THSD7B: variants seen among roughly 807,000 people sequenced by gnomAD.
THSD7B encodes thrombospondin type-1 domain-containing protein 7B.
A neutral mutation model predicts 213.6 loss-of-function variants in THSD7B; 138 were observed. The observed-to-expected ratio is 0.65, with a 90% CI of 0.56 to 0.74. The LOEUF is 0.74. Among genes scored for constraint, THSD7B ranks in the 30% least tolerant of loss-of-function variants. THSD7B has a pLI of 0.00. For missense variants in THSD7B, 1,931 were observed against 1,991.5 expected (o/e 0.97, Z 0.58); for synonymous variants, 742 against 687.0 (o/e 1.08, Z -1.25).
intron 17 of THSD7B, among the ~76,000 whole-genome samples, chr2:137,588,296 C>T (rs1681786084): frequency 6.6e-6 from 1 of 152,172 alleles, no homozygotes; most frequent in African/African-American, 2.4e-5. Context: ...TGAGGTGATG[C>T]CTTACCCTGC....
At chr2:137,314,642 C>G (rs1684034743) in intron 12 of THSD7B, among the ~76,000 whole-genome samples, 1 of 152,176 alleles carries the variant, frequency 6.6e-6, no homozygotes, top group Non-Finnish European at 1.5e-5. Flanking sequence ...GTGGTTTTAT[C>G]TACTTTTGGT....
chr2:137,658,830 C>T (rs1482565154), intron 24 of THSD7B, among the ~76,000 whole-genome samples: 5 of 152,168 alleles, frequency 3.3e-5, no homozygotes, highest in African/African-American at 1.2e-4. Flanking sequence ...TTGCTAGCTA[C>T]AAAACTATAA....
intron 14 of THSD7B, among the ~76,000 whole-genome samples, chr2:137,429,713 T>A (rs1364515635): frequency 6.6e-6 from 1 of 152,138 alleles, no homozygotes; most frequent in Non-Finnish European, 1.5e-5. Context: ...TGAGAGTGCA[T>A]TGTTGTTTGG....
At chr2:136,828,436 G>T (rs1682695770) in intron 1 of THSD7B, among the ~76,000 whole-genome samples, 1 of 152,054 alleles carries the variant, frequency 6.6e-6, no homozygotes, top group Non-Finnish European at 1.5e-5. Context: ...TTCTTACCTG[G>T]TCTGTGAAGT....
In THSD7B at chr2:137,405,686, T is replaced by A. The variant is rs757780144; in HGVS notation, c.2574T>A (p.Pro858=). The A allele has an allele frequency of 6.2e-7, 1 of 1,613,604 alleles. No homozygotes were observed. Among genetic ancestry groups the A allele is most frequent in the Non-Finnish European group, 8.5e-7 (1 of 1,179,744 alleles). ...MECLKQTNGM[P]LLVQECTVPC... ...GCCTCAAGCAGACAAACGGCATGCC[T>A]CTCCTTGTGCAAGAATGCACAGTCC... Residue 858 remains proline (P), a synonymous_variant, in exon 13 of 28, where the codon CCT becomes CCA. Coordinates refer to ENST00000409968, the MANE Select transcript of THSD7B (RefSeq NM_001316349.2).
chr2:137,590,509 G>C (rs1444062628), intron 17 of THSD7B, among the ~76,000 whole-genome samples: 2 of 152,088 alleles, frequency 1.3e-5, no homozygotes, highest in East Asian at 3.9e-4. Flanking sequence ...GTCGCAATGA[G>C]TATTTGTGTA....
At chr2:136,775,894 A>T (rs1355150132) in intron 1 of THSD7B, among the ~76,000 whole-genome samples, 1 of 152,170 alleles carries the variant, frequency 6.6e-6, no homozygotes, top group Non-Finnish European at 1.5e-5. Context: ...ACATTTCTTC[A>T]GCAATTTCCA....
intron 2 of THSD7B, among the ~76,000 whole-genome samples, chr2:137,012,271 T>C (rs1686245668): frequency 6.6e-6 from 1 of 152,210 alleles, no homozygotes; most frequent in South Asian, 2.1e-4. Context: ...CAGTCTAGGA[T>C]GATCCAGAGT....
At chr2:137,428,670 A>G (rs1475475340) in intron 14 of THSD7B, among the ~76,000 whole-genome samples, 3 of 152,182 alleles carry the variant, frequency 2.0e-5, no homozygotes, top group Non-Finnish European at 4.4e-5. Context: ...ACTATACTAG[A>G]CATAAGAAAC....
intron 1 of THSD7B, among the ~76,000 whole-genome samples, chr2:136,835,373 G>A (rs945607620): frequency 5.3e-5 from 8 of 152,146 alleles, no homozygotes; most frequent in Non-Finnish European, 1.0e-4. Flanking sequence ...ATTGAAATAA[G>A]GTTATTAACA....
At chr2:137,165,570 C>T (rs1401408584) in intron 6 of THSD7B, among the ~76,000 whole-genome samples, 4 of 152,018 alleles carry the variant, frequency 2.6e-5, no homozygotes, top group Non-Finnish European at 5.9e-5. Flanking sequence ...CTGAGTGGTA[C>T]AAACTAAAGA....
chr2:137,635,253 C>T (rs1682812230), intron 20 of THSD7B, among the ~76,000 whole-genome samples: 1 of 152,156 alleles, frequency 6.6e-6, no homozygotes, highest in Non-Finnish European at 1.5e-5. Flanking sequence ...GTTCCTTCAT[C>T]TCAATGGGCA....
chr2:137,458,122 A>G (rs1314829745), intron 15 of THSD7B, among the ~76,000 whole-genome samples: 1 of 152,186 alleles, frequency 6.6e-6, no homozygotes, highest in African/African-American at 2.4e-5. Context: ...AAAAACTCAC[A>G]AATTTGCTCT....
chr2:136,885,169 T>C (rs1372980018), intron 2 of THSD7B, among the ~76,000 whole-genome samples: 1 of 152,210 alleles, frequency 6.6e-6, no homozygotes, highest in Admixed American at 6.5e-5. Flanking sequence ...TACTTTATTG[T>C]AGAAACCTAG....
intron 12 of THSD7B, among the ~76,000 whole-genome samples, chr2:137,299,504 G>C (rs1683548227): frequency 6.6e-6 from 1 of 152,066 alleles, no homozygotes; most frequent in Non-Finnish European, 1.5e-5. Flanking sequence ...GAGTGATATG[G>C]TTTGGCTGTG....
intron 17 of THSD7B, among the ~76,000 whole-genome samples, chr2:137,574,338 G>T (rs147743006): frequency 6.6e-6 from 1 of 152,086 alleles, no homozygotes; most frequent in African/African-American, 2.4e-5. Flanking sequence ...GAAATTGGAG[G>T]TAGAGAAAAT....
chr2:137,363,927 G>A (rs1367619315), intron 12 of THSD7B, among the ~76,000 whole-genome samples: 1 of 152,128 alleles, frequency 6.6e-6, no homozygotes, highest in Admixed American at 6.5e-5. Flanking sequence ...GCCTGGCAGA[G>A]ACACAACAAA....
intron 5 of THSD7B, among the ~76,000 whole-genome samples, chr2:137,152,152 A>G (rs1188370362): frequency 6.6e-6 from 1 of 152,150 alleles, no homozygotes; most frequent in East Asian, 1.9e-4. Context: ...AACACATTTC[A>G]TCCCCTCTCT....
intron 12 of THSD7B, among the ~76,000 whole-genome samples, chr2:137,302,378 GA>G (rs1015137347): frequency 2.6e-5 from 4 of 152,146 alleles, no homozygotes; most frequent in African/African-American, 9.7e-5. Context: ...ATGTTTCCAG[GA>G]GGGAAAGAGA....
Sources: gnomAD v4.1 joint callset for allele counts (sites outside exome capture counted in the v4.1 genomes callset) on GRCh38, gnomAD v4.1.1 for gene constraint, MANE v1.5 for transcripts, NCBI Gene and HGNC (gene_info 2026-07-23, HGNC 2026-07-21) for gene names.